Variants in EPS15L1 observed in about 807,000 individuals in gnomAD.
The protein encoded by EPS15L1 is epidermal growth factor receptor pathway substrate 15 like 1, also known as epidermal growth factor receptor substrate 15-like 1.
Under a neutral mutation model 117.1 loss-of-function variants are expected in EPS15L1, and 43 were observed. The ratio of observed to expected loss-of-function variants is 0.37; its 90% confidence interval spans 0.29 to 0.47. The LOEUF (loss-of-function observed/expected upper bound fraction) is 0.47. Ranked by LOEUF, EPS15L1 falls within the 20% of genes least tolerant of loss-of-function variation. The pLI is 0.99. For missense variants in EPS15L1, 981 were observed against 1,164.0 expected, an observed-to-expected ratio of 0.84 and a Z score of 2.29; for synonymous variants, 459 against 470.5, an observed-to-expected ratio of 0.98 and a Z score of 0.32.
intron 22 of EPS15L1, among the ~76,000 whole-genome samples, chr19:16,372,155 G>T (rs1283445044): frequency 6.6e-6 from 1 of 152,186 alleles, no homozygotes; most frequent in East Asian, 1.9e-4. Flanking sequence ...AGACAGAACT[G>T]AGTATGTGGC....
At chr19:16,467,822 C>T (rs73928605) in intron 1 of EPS15L1, among the ~76,000 whole-genome samples, 3,570 of 152,228 alleles carry the variant, frequency 0.023, 152 homozygotes, top group African/African-American at 0.082. Context: ...CAGGGCTCTG[C>T]GGCAGGAGGA....
At chr19:16,441,863 A>G in intron 3 of EPS15L1, 29 bp downstream of exon 3, 1 of 1,574,802 alleles carries the variant, frequency 6.3e-7, no homozygotes, top group South Asian at 1.1e-5. Context: ...GCAGCCACAG[A>G]AGAGAAATCA....
intron 17 of EPS15L1, among the ~76,000 whole-genome samples, chr19:16,395,117 C>T (rs1380518760): frequency 6.6e-6 from 1 of 151,492 alleles, no homozygotes; most frequent in East Asian, 1.9e-4. Context: ...ATTGCTTGAA[C>T]CCAGGAGGCG....
Position 16,417,947 on chromosome 19 carries a change from C to CCGGGCCGGG in EPS15L1, c.1099_1107dup (p.Pro367_Pro369dup). On this transcript the variant is annotated inframe_insertion and splice_region_variant. Transcript: ENST00000455140. ...CCCAGGGCATGACCAGCACCACTCA[C>CCGGGCCGGG]CGGGCCGGGCGTGCCTCTCTCCGAA... 6.2e-7 allele frequency: 1 copy of CCGGGCCGGG among 1,612,034 alleles called. No individual in the cohort carries two copies. The highest frequency in any genetic ancestry group is 1.3e-5 in the African/African-American group (1 of 75,030).
At chr19:16,453,967 G>C (rs1331341523) in intron 1 of EPS15L1, among the ~76,000 whole-genome samples, 1 of 151,872 alleles carries the variant, frequency 6.6e-6, no homozygotes, top group Non-Finnish European at 1.5e-5. Flanking sequence ...GTTTAAGTGT[G>C]ACAAATGAGG....
Position 16,367,834 on chromosome 19 carries a change from C to T in EPS15L1, c.2381-5850G>A, listed in dbSNP as rs190076313. The stretch of plus-strand genomic sequence containing the variant: ...AATATACAATTGCAAACCATAAAAA[C>T]GGTGAATGCTATAAAAACCTTGGAA... On this transcript the variant is annotated intron_variant, in intron 22 of 23. Transcript: ENST00000455140. Among the ~76,000 whole-genome samples the T allele has an allele frequency of 3.9e-3, 571 of 145,476 alleles. 5 individuals carry two copies. The highest frequency in any genetic ancestry group is 4.8e-3 in the Non-Finnish European group (320 of 66,210).
At chr19:16,416,508 T>C (rs2092759268) in intron 12 of EPS15L1, among the ~76,000 whole-genome samples, 1 of 152,016 alleles carries the variant, frequency 6.6e-6, no homozygotes, top group South Asian at 2.1e-4. Context: ...CATGGTGGCA[T>C]GCACCTGTAC....
chr19:16,401,628 G>A (rs1487557309), intron 16 of EPS15L1: 12 of 985,412 alleles, frequency 1.2e-5, no homozygotes, highest in East Asian at 2.3e-4. Flanking sequence ...GTGTGAACAG[G>A]GGGGATGTGA....
At chr19:16,430,948 T>C (rs1034617281) in intron 7 of EPS15L1, among the ~76,000 whole-genome samples, 2 of 152,182 alleles carry the variant, frequency 1.3e-5, no homozygotes, top group African/African-American at 2.4e-5. Flanking sequence ...CAAAGATGTA[T>C]GCATGGCCGG....
At chr19:16,415,099 A>T (rs2144907730) in intron 12 of EPS15L1, among the ~76,000 whole-genome samples, 1 of 152,226 alleles carries the variant, frequency 6.6e-6, no homozygotes, top group Admixed American at 6.5e-5. Context: ...AACAGGAAAA[A>T]TTGATTATAG....
intron 10 of EPS15L1, 144 bp from the exon 11 acceptor site, chr19:16,418,248 T>A: frequency 1.2e-6 from 1 of 861,886 alleles, no homozygotes. Context: ...CTTCCCTACT[T>A]CACATCTCCT....
At chr19:16,367,687 G>C (rs900568755) in intron 22 of EPS15L1, among the ~76,000 whole-genome samples, 1 of 137,366 alleles carries the variant, frequency 7.3e-6, no homozygotes, top group African/African-American at 2.7e-5. Context: ...TCAAGGTTCT[G>C]ACTTTTCTAT....
At position 16,436,959 on chromosome 19, in the gene EPS15L1, G is replaced by A; in HGVS notation, c.350C>T (p.Ala117Val). The change falls in exon 6 of 24, where the codon GCA (alanine) becomes GTA (valine). Residue 117 changes from alanine (A) to valine (V), a missense_variant. Around this residue, in one of 5 missense-constraint regions of EPS15L1, gnomAD observed 52 missense variants for 53.1 expected, o/e 0.98. Coordinates refer to ENST00000455140, the MANE Select transcript of EPS15L1 (RefSeq NM_001258374.3). ...SSPLMVTPPS[A>V]EAHWAVRVEE... ...TACCCTCACAGCCCAGTGGGCCTCTGCAGAGGGCGGTGTGACCATCAGAGG... is the reference window on the plus strand; with the variant it reads ...TACCCTCACAGCCCAGTGGGCCTCTACAGAGGGCGGTGTGACCATCAGAGG... The A allele has an allele frequency of 6.2e-7, 1 of 1,614,050 alleles. No homozygotes were observed. Among genetic ancestry groups the A allele is most frequent in the Non-Finnish European group, 8.5e-7 (1 of 1,179,888 alleles).
intron 1 of EPS15L1, among the ~76,000 whole-genome samples, chr19:16,469,423 A>C (rs1421701368): frequency 6.6e-6 from 1 of 152,058 alleles, no homozygotes; most frequent in Non-Finnish European, 1.5e-5. Context: ...GAGTACAAGG[A>C]GGAAAGAGAT....
rs1359681431 is a variant in EPS15L1 at position 16,355,685 on chromosome 19, C to A, written c.*20G>T. On this transcript the variant is annotated 3_prime_UTR_variant, in exon 24 of 24. Transcript: ENST00000455140. Reference sequence around the variant, plus strand: ...TCTGGAACCCGCCCGTGCCCTGTCCCGCCTACACACGGCCCTCGCCTAGGC... The same window carrying A: ...TCTGGAACCCGCCCGTGCCCTGTCCAGCCTACACACGGCCCTCGCCTAGGC... 1.3e-6 allele frequency: 2 copies of A among 1,533,366 alleles called. No homozygotes were observed. The highest frequency in any genetic ancestry group is 1.7e-6 in the Non-Finnish European group (2 of 1,144,860). The allele number at this position is 1,533,366 out of a possible 1,614,324, so 95.0% of individuals were successfully genotyped here.
intron 12 of EPS15L1, among the ~76,000 whole-genome samples, chr19:16,416,653 A>C (rs1237550437): frequency 6.6e-6 from 1 of 151,644 alleles, no homozygotes; most frequent in Admixed American, 6.6e-5. Context: ...AAAAAAAAAA[A>C]AAAAAATCTA....
intron 21 of EPS15L1, among the ~76,000 whole-genome samples, chr19:16,380,296 C>T (rs1334716296): frequency 3.3e-5 from 5 of 152,100 alleles, no homozygotes; most frequent in Admixed American, 2.6e-4. Flanking sequence ...CACACAGACA[C>T]GGCCACCTAA....
rs201186903 is a variant in EPS15L1 at position 16,441,958 on chromosome 19, C to T, written c.99G>A (p.Arg33=). ...YKQVDPAYTG[R]VGASEAALFL... is the part of the protein sequence containing the mutation. ...AAAGCGCAGCTTCACTCGCCCCCAC[C>T]CTCCCTGTGTATGCCGGATCGACCT... Residue 33 remains arginine (R), a synonymous_variant, in exon 3 of 24, where the codon AGG becomes AGA. Transcript: ENST00000455140. The T allele has an allele frequency of 6.2e-7, 1 of 1,614,064 alleles. No individual in the cohort carries two copies. The highest frequency in any genetic ancestry group is 1.1e-5 in the South Asian group (1 of 91,062).
intron 22 of EPS15L1, among the ~76,000 whole-genome samples, chr19:16,367,342 G>T (rs2092147468): frequency 6.6e-6 from 1 of 151,336 alleles, no homozygotes; most frequent in Non-Finnish European, 1.5e-5. Context: ...ATTAACAGGG[G>T]GCAAGGGATA....
Sources: gnomAD v4.1 joint callset for allele counts (sites outside exome capture counted in the v4.1 genomes callset) on GRCh38, gnomAD v4.1.1 for gene constraint, gnomAD v4.1.1 regional missense constraint, MANE v1.5 for transcripts, NCBI Gene and HGNC (gene_info 2026-07-23, HGNC 2026-07-21) for gene names.